Variants in MICU1 observed in about 807,000 individuals in gnomAD.
The protein encoded by MICU1 is calcium uptake protein 1, mitochondrial.
MICU1 carries 45 observed loss-of-function variants against 56.8 expected under a neutral mutation model. That is an observed-to-expected ratio of 0.79 (90% CI 0.62 to 1.02). The LOEUF (loss-of-function observed/expected upper bound fraction) is 1.02. Among genes scored for constraint, MICU1 ranks in the 50% least tolerant of loss-of-function variants. MICU1 has a pLI of 0.00. For missense variants in MICU1, 504 were observed against 587.1 expected, an observed-to-expected ratio of 0.86 and a Z score of 1.46; for synonymous variants, 186 against 195.1, an observed-to-expected ratio of 0.95 and a Z score of 0.39.
chr10:72,605,266 C>T (rs1841656056), intron 1 of MICU1, among the ~76,000 whole-genome samples: 1 of 152,316 alleles, frequency 6.6e-6, no homozygotes, highest in Non-Finnish European at 1.5e-5. Context: ...AATGCCACAA[C>T]AATGTCTGGA....
chr10:72,500,294 ATATATATATTTTTTTTTTTTTTTTT>A (rs1564904850), intron 6 of MICU1, among the ~76,000 whole-genome samples: 13 of 7,148 alleles, frequency 1.8e-3, no homozygotes, highest in African/African-American at 3.2e-3. Flanking sequence ...ATATATATAT[ATATATATATTTTTTTTTTTTTTTTT>A]TTTTTTTTTT....
At chr10:72,564,653 G>C (rs1350548410) in intron 2 of MICU1, among the ~76,000 whole-genome samples, 3 of 151,738 alleles carry the variant, frequency 2.0e-5, no homozygotes, top group African/African-American at 7.3e-5. Context: ...CAAATACAGT[G>C]ATCTTGCTAA....
At chr10:72,558,678 T>C (rs1413925903) in intron 3 of MICU1, among the ~76,000 whole-genome samples, 1 of 152,014 alleles carries the variant, frequency 6.6e-6, no homozygotes, top group Admixed American at 6.6e-5. Flanking sequence ...CACAGAGCTA[T>C]GAATATAAGG....
intron 3 of MICU1, among the ~76,000 whole-genome samples, chr10:72,561,901 A>C (rs2132465462): frequency 1.3e-5 from 2 of 152,294 alleles, no homozygotes; most frequent in East Asian, 3.9e-4. Flanking sequence ...ACAAACCACA[A>C]ACACACAAAA....
intron 8 of MICU1, among the ~76,000 whole-genome samples, chr10:72,447,189 C>G (rs1865132542): frequency 6.6e-6 from 1 of 152,016 alleles, no homozygotes; most frequent in South Asian, 2.1e-4. Flanking sequence ...AACTATAAGG[C>G]CTGAAGTTAC....
At chr10:72,561,488 TGG>T (rs1840293736) in intron 3 of MICU1, among the ~76,000 whole-genome samples, 1 of 152,164 alleles carries the variant, frequency 6.6e-6, no homozygotes, top group Non-Finnish European at 1.5e-5. Flanking sequence ...CTATCAGAAA[TGG>T]ATTTGGGTAT....
chr10:72,395,860 A>G (rs1863239159), intron 10 of MICU1, among the ~76,000 whole-genome samples: 1 of 152,238 alleles, frequency 6.6e-6, no homozygotes, highest in Admixed American at 6.5e-5. Context: ...GCATAGCTGA[A>G]CAAAAGCCAG....
chr10:72,545,714 A>T (rs1366950958), intron 4 of MICU1, among the ~76,000 whole-genome samples: 25 of 152,212 alleles, frequency 1.6e-4, no homozygotes, highest in Admixed American at 1.6e-3. Flanking sequence ...ACTCTCAGCT[A>T]TCTCCTCAGG....
intron 8 of MICU1, among the ~76,000 whole-genome samples, chr10:72,471,311 C>T (rs1440620253): frequency 1.3e-5 from 2 of 152,198 alleles, no homozygotes; most frequent in Non-Finnish European, 2.9e-5. Context: ...GTCTCAATCT[C>T]CTGACTTCGT....
chr10:72,559,378 TTGGG>T (rs1012099344), intron 3 of MICU1, among the ~76,000 whole-genome samples: 1 of 151,976 alleles, frequency 6.6e-6, no homozygotes, highest in African/African-American at 2.4e-5. Flanking sequence ...AAACTGAGTG[TTGGG>T]TGTTTATAAA....
intron 3 of MICU1, among the ~76,000 whole-genome samples, chr10:72,558,636 G>A (rs1037310356): frequency 6.6e-6 from 1 of 151,988 alleles, no homozygotes; most frequent in African/African-American, 2.4e-5. Flanking sequence ...ACTGTTGTTG[G>A]GTTCAGTGAC....
rs1564948502 is a variant in MICU1, at chr10:72,586,010, T to TCTC, written c.-1-19217_-1-19216insGAG. ...ATTGTTTTTATTTTTTCTTTTTTTTTTTCTTTTTTTTTTTTTTTTTTTGAG... is the reference window on the plus strand; with the variant it reads ...ATTGTTTTTATTTTTTCTTTTTTTTTCTCTTCTTTTTTTTTTTTTTTTTTTGAG... On this transcript the variant is annotated intron_variant, in intron 1 of 11. Transcript: ENST00000361114. Among the ~76,000 whole-genome samples, 4 of 120,674 alleles carry TCTC rather than the reference T, an allele frequency of 3.3e-5. 1 individual carries two copies. Among genetic ancestry groups the TCTC allele is most frequent in the Non-Finnish European group, 7.1e-5 (4 of 56,620 alleles). The allele number at this position is 120,674 out of a possible 152,430, so 79.2% of individuals were successfully genotyped here.
Position 72,475,142 on chromosome 10 carries a change from G to A in MICU1, c.891C>T (p.Leu297=), listed in dbSNP as rs1044300844. 37 of 1,611,168 alleles carry A rather than the reference G, an allele frequency of 2.3e-5. 1 individual carries two copies. Among genetic ancestry groups the A allele is most frequent in the Middle Eastern group, 1.6e-4 (1 of 6,082 alleles). Reference sequence around the variant, plus strand: ...CATGCTGCAGTTTACGCTGAAATTCGAGGAAGTTTTTGATTGTCAGCTTTC... The same window carrying A: ...CATGCTGCAGTTTACGCTGAAATTCAAGGAAGTTTTTGATTGTCAGCTTTC... The part of the protein sequence containing the change: ...LKGKLTIKNF[L]EFQRKLQHDV... Residue 297 remains leucine (L), a synonymous_variant, in exon 8 of 12, where the codon CTC becomes CTT. Coordinates refer to ENST00000361114, the MANE Select transcript of MICU1 (RefSeq NM_001195518.2).
At chr10:72,540,267 C>CAAAAAAA (rs11287541) in intron 4 of MICU1, among the ~76,000 whole-genome samples, 16 of 85,368 alleles carry the variant, frequency 1.9e-4, no homozygotes, top group East Asian at 5.9e-4. Context: ...AACTCCATCT[C>CAAAAAAA]AAAAAAAAAA....
chr10:72,414,158 A>C (rs1385898952), intron 9 of MICU1, among the ~76,000 whole-genome samples: 1 of 152,222 alleles, frequency 6.6e-6, no homozygotes, highest in African/African-American at 2.4e-5. Flanking sequence ...GGTCTGCAGG[A>C]GGACTTGTAC....
intron 4 of MICU1, among the ~76,000 whole-genome samples, chr10:72,534,380 T>TGTAA (rs1215721657): frequency 2.0e-5 from 3 of 152,136 alleles, no homozygotes; most frequent in Non-Finnish European, 4.4e-5. Flanking sequence ...TAGTTTTGTC[T>TGTAA]TTACACATAG....
chr10:72,621,179 T>C (rs558529576), intron 1 of MICU1, among the ~76,000 whole-genome samples: 1 of 152,344 alleles, frequency 6.6e-6, no homozygotes, highest in African/African-American at 2.4e-5. Flanking sequence ...ATTATGGTAA[T>C]TTATTTTACA....
intron 9 of MICU1, among the ~76,000 whole-genome samples, chr10:72,421,761 A>G (rs1864182380): frequency 6.6e-6 from 1 of 152,166 alleles, no homozygotes; most frequent in Non-Finnish European, 1.5e-5. Context: ...TCTCCAAACT[A>G]TCTTCCATAA....
chr10:72,586,046 G>A (rs1351961195), intron 1 of MICU1, among the ~76,000 whole-genome samples: 27 of 90,636 alleles, frequency 3.0e-4, no homozygotes, highest in African/African-American at 1.2e-3. Flanking sequence ...ACAGGGTATC[G>A]CTCTGTTGCC....
Sources: allele counts gnomAD v4.1 joint callset (sites outside exome capture counted in the v4.1 genomes callset), GRCh38; gene constraint gnomAD v4.1.1; transcripts MANE v1.5; gene names NCBI Gene and HGNC (gene_info 2026-07-23, HGNC 2026-07-21).